Variants in MAP4K5 observed in about 807,000 individuals in gnomAD.
MAP4K5 encodes the protein mitogen-activated protein kinase kinase kinase kinase 5, also known as MAPK/ERK kinase kinase kinase 5.
In MAP4K5, 82 loss-of-function variants were observed where a neutral mutation model predicts 135.6. That is an observed-to-expected ratio of 0.60 (90% CI 0.51 to 0.73). MAP4K5 has a LOEUF of 0.73. MAP4K5 is among the 30% of genes least tolerant of loss of function. The pLI, the probability that MAP4K5 is intolerant of heterozygous loss-of-function variation, is 0.00. For missense variants in MAP4K5, 907 were observed against 1,010.9 expected, an observed-to-expected ratio of 0.90 and a Z score of 1.39; for synonymous variants, 347 against 335.0, an observed-to-expected ratio of 1.04 and a Z score of -0.39.
At chr14:50,426,647 C>T (rs1350838915) in intron 30 of MAP4K5, among the ~76,000 whole-genome samples, 3 of 152,172 alleles carry the variant, frequency 2.0e-5, no homozygotes, top group Non-Finnish European at 1.5e-5. Context: ...TTGCTTGAAC[C>T]CCACAGGTGG....
At chr14:50,556,498 G>A (rs7142573) in intron 1 of MAP4K5, among the ~76,000 whole-genome samples, 144,247 of 152,206 alleles carry the variant, frequency 0.95, 68,793 homozygotes, top group East Asian at 1. Context: ...GATTACAGGC[G>A]TGAGCCACTG....
intron 32 of MAP4K5, among the ~76,000 whole-genome samples, chr14:50,420,698 T>C (rs2035709459): frequency 6.6e-6 from 1 of 152,092 alleles, no homozygotes; most frequent in Non-Finnish European, 1.5e-5. Context: ...TATAATACTT[T>C]AGGGATTTCA....
intron 13 of MAP4K5, among the ~76,000 whole-genome samples, chr14:50,462,152 T>G (rs2036724477): frequency 6.6e-6 from 1 of 152,204 alleles, no homozygotes; most frequent in African/African-American, 2.4e-5. Flanking sequence ...GTCCTTTTCA[T>G]GAAAAATAAT....
intron 12 of MAP4K5, among the ~76,000 whole-genome samples, 190 bp from the exon 13 acceptor site, chr14:50,462,971 G>A (rs1264844398): frequency 6.6e-6 from 1 of 152,230 alleles, no homozygotes; most frequent in South Asian, 2.1e-4. Flanking sequence ...AAACTGAAGA[G>A]CCTTTGTAGG....
intron 3 of MAP4K5, among the ~76,000 whole-genome samples, chr14:50,492,121 T>C (rs1325022811): frequency 6.6e-6 from 1 of 152,230 alleles, no homozygotes; most frequent in Non-Finnish European, 1.5e-5. Flanking sequence ...TCATTGTTCA[T>C]GTTGAAATTA....
intron 3 of MAP4K5, among the ~76,000 whole-genome samples, chr14:50,503,229 G>T (rs769502751): frequency 6.6e-6 from 1 of 152,048 alleles, no homozygotes; most frequent in Admixed American, 6.6e-5. Context: ...TGATAGGACT[G>T]GGGCAAGGCA....
chr14:50,438,943 A>C (rs2139688877), intron 23 of MAP4K5, among the ~76,000 whole-genome samples: 1 of 152,256 alleles, frequency 6.6e-6, no homozygotes, highest in South Asian at 2.1e-4. Context: ...AAGCAGTAAG[A>C]GAGTTAGAGA....
intron 1 of MAP4K5, among the ~76,000 whole-genome samples, chr14:50,558,249 C>T (rs998643027): frequency 6.6e-6 from 1 of 152,184 alleles, no homozygotes; most frequent in Non-Finnish European, 1.5e-5. Context: ...ATCCCAGCTA[C>T]TTGAGAGGCT....
chr14:50,504,705 G>T, intron 3 of MAP4K5, 95 bp downstream of exon 3: 2 of 878,168 alleles, frequency 2.3e-6, no homozygotes, highest in Admixed American at 2.7e-5. Context: ...CTACTGACCT[G>T]ATAGAACATA....
At chr14:50,520,886 G>A (rs149009705) in intron 2 of MAP4K5, among the ~76,000 whole-genome samples, 2,220 of 147,972 alleles carry the variant, frequency 0.015, 34 homozygotes, top group Non-Finnish European at 0.02. Context: ...GCAGTGGCGC[G>A]ATCTTTGCCC....
At chr14:50,420,914 C>T (rs895901290) in intron 32 of MAP4K5, among the ~76,000 whole-genome samples, 21 of 150,344 alleles carry the variant, frequency 1.4e-4, no homozygotes, top group African/African-American at 5.1e-4. Flanking sequence ...CTATTCCAAA[C>T]ATTTTAGTTG....
chr14:50,545,272 A>G (rs937199893), intron 1 of MAP4K5, among the ~76,000 whole-genome samples: 12 of 152,210 alleles, frequency 7.9e-5, no homozygotes, highest in Non-Finnish European at 1.3e-4. Context: ...AAACTCATCT[A>G]CTTGCCAATC....
chr14:50,455,008 C>CAGAATAGAATTTCCAGAAT (rs569345447), intron 14 of MAP4K5, among the ~76,000 whole-genome samples: 2 of 151,768 alleles, frequency 1.3e-5, no homozygotes, highest in Non-Finnish European at 1.5e-5. Flanking sequence ...AGACATGCAA[C>CAGAATAGAATTTCCAGAAT]AGAATAGAAT....
At chr14:50,451,221 A>C (rs1420185335) in intron 14 of MAP4K5, among the ~76,000 whole-genome samples, 2 of 152,162 alleles carry the variant, frequency 1.3e-5, no homozygotes, top group African/African-American at 4.8e-5. Flanking sequence ...ATAAGCTTCA[A>C]GTCACGGCAA....
chr14:50,494,838 G>A (rs2037560202), intron 3 of MAP4K5, among the ~76,000 whole-genome samples: 1 of 152,126 alleles, frequency 6.6e-6, no homozygotes, highest in South Asian at 2.1e-4. Context: ...TGGGGAGAGG[G>A]CAGTCTCTTC....
intron 14 of MAP4K5, among the ~76,000 whole-genome samples, chr14:50,455,951 G>A (rs561744773): frequency 3.0e-4 from 46 of 152,060 alleles, no homozygotes; most frequent in Non-Finnish European, 6.2e-4. Context: ...AACTAATCTC[G>A]CTTTTGAAAT....
rs886074498 is a variant in MAP4K5, at chr14:50,468,845, C to T, written c.543-63G>A. Reference sequence around the variant, plus strand: ...AATATTGATCTGAATCTGTTACTTCCTGTTATAATCACCAGACTTGTTGGA... The same window carrying T: ...AATATTGATCTGAATCTGTTACTTCTTGTTATAATCACCAGACTTGTTGGA... On this transcript the variant is annotated intron_variant, in intron 9 of 32. Transcript: ENST00000682126. 2.7e-6 allele frequency: 4 copies of T among 1,461,474 alleles called. No homozygotes were observed. In the African/African-American group the frequency reaches 4.2e-5, roughly 15 times the overall value. 90.5% of individuals were successfully genotyped at this position (1,461,474 alleles called of 1,614,324 possible).
intron 2 of MAP4K5, among the ~76,000 whole-genome samples, chr14:50,509,818 T>C (rs2037893977): frequency 6.6e-6 from 1 of 152,162 alleles, no homozygotes; most frequent in Non-Finnish European, 1.5e-5. Context: ...ATTTAAATTG[T>C]TTTTTCATTT....
intron 14 of MAP4K5, among the ~76,000 whole-genome samples, chr14:50,451,903 C>T (rs1238321734): frequency 6.6e-6 from 1 of 152,124 alleles, no homozygotes; most frequent in Non-Finnish European, 1.5e-5. Context: ...AATATAGATG[C>T]TTCCTAACTG....
Sources: allele counts gnomAD v4.1 joint callset (sites outside exome capture counted in the v4.1 genomes callset), GRCh38; gene constraint gnomAD v4.1.1; transcripts MANE v1.5; gene names NCBI Gene and HGNC (gene_info 2026-07-23, HGNC 2026-07-21).